Variants in CCDC60 observed in about 807,000 individuals in gnomAD.
CCDC60 encodes coiled-coil domain containing 60.
CCDC60 carries 54 observed loss-of-function variants against 63.5 expected under a neutral mutation model. The ratio of observed to expected loss-of-function variants is 0.85; its 90% confidence interval spans 0.68 to 1.07. The LOEUF (loss-of-function observed/expected upper bound fraction) is 1.07, where lower values mean the gene tolerates loss of function less well. Ranked by LOEUF, CCDC60 falls within the 50% of genes least tolerant of loss-of-function variation. The pLI, the probability that CCDC60 is intolerant of heterozygous loss-of-function variation, is 0.00. For missense variants in CCDC60, 651 were observed against 684.3 expected, an observed-to-expected ratio of 0.95 and a Z score of 0.54; for synonymous variants, 206 against 238.8, an observed-to-expected ratio of 0.86 and a Z score of 1.27.
rs1308327017 is a variant in CCDC60 at position 119,420,210 on chromosome 12, G to T, written c.91-8473G>T. Among the ~76,000 whole-genome samples, 2 of 152,046 alleles carry T rather than the reference G, an allele frequency of 1.3e-5. No homozygotes were observed. Among genetic ancestry groups the T allele is most frequent in the East Asian group, 3.9e-4 (2 of 5,192 alleles). Reference sequence around the variant, plus strand: ...ATTCTATAGTATATTTCCTATTTCAGTTTGAAGGATCTGTGTGTGGATGAG... The same window carrying T: ...ATTCTATAGTATATTTCCTATTTCATTTTGAAGGATCTGTGTGTGGATGAG... On this transcript the variant is annotated intron_variant, in intron 1 of 13. Transcript: ENST00000327554. This position sits in a 1 kb window ranked among gnomAD's most constrained non-coding sequence, Gnocchi z 4.1.
chr12:119,411,376 T>C lies in CCDC60; in HGVS notation c.91-17307T>C, dbSNP rs75865038. 8.2e-3 allele frequency among the ~76,000 whole-genome samples: 1,246 copies of C among 152,064 alleles called. 17 individuals carry two copies. Among genetic ancestry groups the C allele is most frequent in the African/African-American group, 0.028 (1,175 of 41,474 alleles). On this transcript the variant is annotated intron_variant, in intron 1 of 13. Transcript: ENST00000327554. ...TATGGCTTGCTTTGGGAGAGCGAAA[T>C]TCTAGTTTCTGTGAGCCAGCTTGGG...
At chr12:119,347,231 C>T (rs114044588) in intron 1 of CCDC60, among the ~76,000 whole-genome samples, 3,434 of 152,152 alleles carry the variant, frequency 0.023, 133 homozygotes, top group African/African-American at 0.079. Context: ...CAATATACTG[C>T]CAAAACCTGC....
intron 1 of CCDC60, among the ~76,000 whole-genome samples, chr12:119,337,823 T>TG (rs1955488118): frequency 8.6e-6 from 1 of 116,816 alleles, no homozygotes; most frequent in Non-Finnish European, 1.8e-5. Context: ...TGTGTGTGTA[T>TG]TTGTGTGTGT....
At chr12:119,479,673 T>G (rs1195174488) in intron 4 of CCDC60, 2 of 153,114 alleles carry the variant, frequency 1.3e-5, no homozygotes, top group Non-Finnish European at 2.9e-5. Context: ...AAAGTCTTGA[T>G]GTCTTGTTCC....
rs533779628 is a variant in CCDC60, at chr12:119,501,824, A to G, written c.648+1656A>G. ...AAACTGAATTCAAGTTTGTGGGTCA[A>G]ATCCTGGGCTGCAGCACGTTCCACT... is the stretch of plus-strand genomic sequence containing the variant. On this transcript the variant is annotated intron_variant, in intron 6 of 13. Transcript: ENST00000327554. Among the ~76,000 whole-genome samples the G allele has an allele frequency of 1.5e-4, 23 of 152,306 alleles. No individual in the cohort carries two copies. The Middle Eastern group carries it at 0.014, about 90-fold the overall frequency.
intron 2 of CCDC60, among the ~76,000 whole-genome samples, chr12:119,450,152 A>C (rs1225735338): frequency 1.3e-5 from 2 of 152,032 alleles, no homozygotes; most frequent in African/African-American, 2.4e-5. Context: ...TAAGTGAAAT[A>C]ACTCAGAAAC....
In CCDC60 at chr12:119,410,882, A is replaced by G. The variant is rs112024444; in HGVS notation, c.91-17801A>G. 0.13 allele frequency among the ~76,000 whole-genome samples: 20,391 copies of G among 151,966 alleles called. 1,713 individuals are homozygous for G. The highest frequency in any genetic ancestry group is 0.23 in the African/African-American group (9,481 of 41,434). ...CTCAGCCTTCTGAGTAGCTGGGACT[A>G]CAGGCACGCACCACTACACTCAGCT... On this transcript the variant is annotated intron_variant, in intron 1 of 13. Transcript: ENST00000327554. This position sits in a 1 kb window ranked among gnomAD's most constrained non-coding sequence, Gnocchi z 4.0.
intron 2 of CCDC60, among the ~76,000 whole-genome samples, chr12:119,461,374 TC>T (rs1950854032): frequency 1.3e-5 from 2 of 152,018 alleles, no homozygotes; most frequent in Admixed American, 6.6e-5. Context: ...CCAGAGGCAA[TC>T]CCCTCTAACA....
At chr12:119,385,946 TC>T (rs1956055582) in intron 1 of CCDC60, among the ~76,000 whole-genome samples, 2 of 152,158 alleles carry the variant, frequency 1.3e-5, no homozygotes, top group South Asian at 4.1e-4. Flanking sequence ...CTCCTCCAAT[TC>T]CCAGTTTGAG....
At chr12:119,536,800 G>A (rs1026886752) in intron 13 of CCDC60, among the ~76,000 whole-genome samples, 2 of 152,080 alleles carry the variant, frequency 1.3e-5, no homozygotes, top group African/African-American at 4.8e-5. Context: ...TAGTCTGATG[G>A]GCTTCCTTTG....
In CCDC60 at chr12:119,488,848, T is replaced by C; in HGVS notation, c.539T>C (p.Ile180Thr). 6.2e-7 allele frequency: 1 copy of C among 1,614,150 alleles called. No homozygotes were observed. The highest frequency in any genetic ancestry group is 1.1e-5 in the South Asian group (1 of 91,080). Reference sequence around the variant, plus strand: ...ACCCACCACACCATGAAGCCTGTGATCACCTGCTGGAACCCAAAGTATGCC... The same window carrying C: ...ACCCACCACACCATGAAGCCTGTGACCACCTGCTGGAACCCAAAGTATGCC... ...DHTHHTMKPVITCWNPKDPGG... is the reference protein window; with the variant it reads ...DHTHHTMKPVTTCWNPKDPGG... The change falls in exon 5 of 14, where the codon ATC becomes ACC. Residue 180 changes from isoleucine to threonine, a missense_variant. Ile to Thr is a moderately conservative substitution (Grantham distance 89). Coordinates refer to ENST00000327554, the MANE Select transcript of CCDC60 (RefSeq NM_178499.5).
At chr12:119,504,921 T>C (rs1951950306) in intron 6 of CCDC60, 148 bp from the exon 7 acceptor site, 12 of 603,284 alleles carry the variant, frequency 2.0e-5, no homozygotes, top group Admixed American at 3.0e-5. Flanking sequence ...TCATGGTGTT[T>C]GGAAAGAGCC....
Position 119,364,514 on chromosome 12 carries a change from C to T in CCDC60, c.90+29248C>T, listed in dbSNP as rs117681883. Among the ~76,000 whole-genome samples the T allele has an allele frequency of 6.9e-4, 105 of 152,210 alleles. 2 individuals are homozygous for T. The East Asian group carries it at 0.018, about 25-fold the overall frequency. On this transcript the variant is annotated intron_variant, in intron 1 of 13. Coordinates refer to ENST00000327554, the MANE Select transcript of CCDC60 (RefSeq NM_178499.5). ...TCTTCTGTGTCTAGCTTCTTTCATC[C>T]AACATGTTTTTGAGACTCATCATGT... is the stretch of plus-strand genomic sequence containing the variant.
intron 1 of CCDC60, among the ~76,000 whole-genome samples, chr12:119,397,304 T>G (rs979225104): frequency 2.0e-5 from 3 of 152,208 alleles, no homozygotes; most frequent in South Asian, 2.1e-4. Flanking sequence ...AGCAGCCTGC[T>G]TTTATTCCCT....
intron 2 of CCDC60, among the ~76,000 whole-genome samples, chr12:119,436,400 G>T (rs1206667855): frequency 6.6e-6 from 1 of 152,110 alleles, no homozygotes; most frequent in Non-Finnish European, 1.5e-5. Context: ...TGAGCTGTTT[G>T]GAGCCAGAGG....
chr12:119,390,309 C>T (rs1178656773), intron 1 of CCDC60, among the ~76,000 whole-genome samples: 1 of 152,180 alleles, frequency 6.6e-6, no homozygotes, highest in African/African-American at 2.4e-5. Flanking sequence ...TGCTCCCTGT[C>T]AGTAAGCAGA....
At chr12:119,512,482 G>A (rs1952238838) in intron 7 of CCDC60, among the ~76,000 whole-genome samples, 1 of 152,212 alleles carries the variant, frequency 6.6e-6, no homozygotes, top group Non-Finnish European at 1.5e-5. Context: ...GCTATCACAT[G>A]AAATCAATGC....
intron 1 of CCDC60, among the ~76,000 whole-genome samples, chr12:119,360,427 C>T (rs1313856369): frequency 1.3e-5 from 2 of 151,078 alleles, no homozygotes; most frequent in Non-Finnish European, 3.0e-5. Flanking sequence ...GGGTGGCTGC[C>T]GGGCGGAGAC....
chr12:119,375,255 C>A (rs1264058938), intron 1 of CCDC60, among the ~76,000 whole-genome samples: 1 of 152,182 alleles, frequency 6.6e-6, no homozygotes. Flanking sequence ...TGTTTAACAA[C>A]CAGCTTTCTG....
Sources: gnomAD v4.1 joint callset for allele counts (sites outside exome capture counted in the v4.1 genomes callset) on GRCh38, gnomAD v4.1.1 for gene constraint, Gnocchi (gnomAD v3.1) non-coding constraint, MANE v1.5 for transcripts, NCBI Gene and HGNC (gene_info 2026-07-23, HGNC 2026-07-21) for gene names.